KCNN2: variants seen among roughly 807,000 people sequenced by gnomAD.
KCNN2 encodes the protein potassium calcium-activated channel subfamily N member 2, also known as small conductance calcium-activated potassium channel protein 2.
KCNN2 carries 24 observed loss-of-function variants against 55.5 expected under a neutral mutation model. The ratio of observed to expected loss-of-function variants is 0.43; its 90% confidence interval spans 0.31 to 0.61. KCNN2 has a LOEUF of 0.61. KCNN2 is among the 20% of genes least tolerant of loss of function. The pLI is 0.08. For synonymous variants in KCNN2, 431 were observed against 336.1 expected, an observed-to-expected ratio of 1.28 and a Z score of -3.09; for missense variants, 754 against 853.6, an observed-to-expected ratio of 0.88 and a Z score of 1.45.
At chr5:114,479,448 C>CAATATATTG (rs1375185354) in intron 5 of KCNN2, among the ~76,000 whole-genome samples, 3 of 152,158 alleles carry the variant, frequency 2.0e-5, no homozygotes, top group African/African-American at 7.2e-5. Flanking sequence ...CATTGACTTC[C>CAATATATTG]ACACAATAAT....
intron 2 of KCNN2, among the ~76,000 whole-genome samples, chr5:114,310,455 C>G (rs1370686517): frequency 2.6e-5 from 4 of 152,086 alleles, no homozygotes; most frequent in Non-Finnish European, 4.4e-5. Flanking sequence ...ACCAGATAAA[C>G]TAAAAGTATC....
chr5:114,149,759 T>A (rs1011151106), intron 1 of KCNN2, among the ~76,000 whole-genome samples: 2 of 152,068 alleles, frequency 1.3e-5, no homozygotes, highest in Admixed American at 1.3e-4. Flanking sequence ...AAGATATTAA[T>A]CAGTAGTAAT....
At chr5:114,459,182 G>GTCTT (rs1433768731) in intron 3 of KCNN2, among the ~76,000 whole-genome samples, 4 of 152,234 alleles carry the variant, frequency 2.6e-5, no homozygotes, top group Non-Finnish European at 5.9e-5. Flanking sequence ...TGATCTTACA[G>GTCTT]TCTTTGTCTC....
chr5:114,371,784 A>G (rs1757765463), intron 2 of KCNN2, among the ~76,000 whole-genome samples: 1 of 152,144 alleles, frequency 6.6e-6, no homozygotes, highest in Non-Finnish European at 1.5e-5. Flanking sequence ...TTCTGGACTT[A>G]CTCAGTTATG....
chr5:114,370,383 T>G (rs1757725155), intron 2 of KCNN2, among the ~76,000 whole-genome samples: 1 of 152,130 alleles, frequency 6.6e-6, no homozygotes, highest in African/African-American at 2.4e-5. Context: ...CAATGAGGAA[T>G]AAGACAGGAG....
At chr5:114,336,313 G>T (rs62382917) in intron 2 of KCNN2, among the ~76,000 whole-genome samples, 10,402 of 152,282 alleles carry the variant, frequency 0.068, 445 homozygotes, top group Non-Finnish European at 0.094. Flanking sequence ...GATTTGTTCA[G>T]GAAAGCAGAA....
intron 1 of KCNN2, among the ~76,000 whole-genome samples, chr5:114,146,840 G>T (rs1001556112): frequency 1.3e-5 from 2 of 152,166 alleles, no homozygotes; most frequent in Non-Finnish European, 2.9e-5. Context: ...GATTACCACT[G>T]GATAAAGGTC....
At chr5:114,130,213 A>G (rs1026544243) in intron 1 of KCNN2, among the ~76,000 whole-genome samples, 1 of 152,168 alleles carries the variant, frequency 6.6e-6, no homozygotes, top group Non-Finnish European at 1.5e-5. Flanking sequence ...TCTTTTACAG[A>G]GTAGTTCTAT....
At chr5:114,337,111 T>G (rs1400184530) in intron 2 of KCNN2, among the ~76,000 whole-genome samples, 1 of 152,146 alleles carries the variant, frequency 6.6e-6, no homozygotes, top group African/African-American at 2.4e-5. Flanking sequence ...GTTGTTGCAG[T>G]CATCAAAGAA....
chr5:114,176,848 A>C (rs1392246254), intron 1 of KCNN2, among the ~76,000 whole-genome samples: 1 of 152,206 alleles, frequency 6.6e-6, no homozygotes, highest in Non-Finnish European at 1.5e-5. Context: ...CCAAACAAAT[A>C]TTATTTGCAT....
intron 2 of KCNN2, among the ~76,000 whole-genome samples, chr5:114,384,974 T>G (rs577037169): frequency 4.6e-5 from 7 of 152,362 alleles, no homozygotes; most frequent in African/African-American, 1.7e-4. Context: ...AATTATGTTT[T>G]TTTCTACATG....
At chr5:114,233,934 C>T (rs972593962) in intron 2 of KCNN2, among the ~76,000 whole-genome samples, 1 of 151,472 alleles carries the variant, frequency 6.6e-6, no homozygotes, top group African/African-American at 2.4e-5. Flanking sequence ...GACACTTGAG[C>T]TTTTCTTTTA....
intron 3 of KCNN2, chr5:114,433,672 A>T (rs1435888276): frequency 6.6e-6 from 1 of 152,448 alleles, no homozygotes; most frequent in South Asian, 2.1e-4. Flanking sequence ...CAGCGAGCCC[A>T]CGAGCCCACA....
chr5:114,328,346 T>A (rs934456829), intron 2 of KCNN2, among the ~76,000 whole-genome samples: 1 of 152,006 alleles, frequency 6.6e-6, no homozygotes, highest in African/African-American at 2.4e-5. Context: ...AGGAATAGAT[T>A]TAACTGAGGA....
At chr5:114,139,456 A>T (rs1580547334) in intron 1 of KCNN2, among the ~76,000 whole-genome samples, 1 of 104,704 alleles carries the variant, frequency 9.6e-6, no homozygotes, top group Admixed American at 1.0e-4. Flanking sequence ...CACTCACACA[A>T]CCACCCCCCC....
rs894404113 is a variant in KCNN2 at position 114,449,740 on chromosome 5, A to AT, written c.1638-13299dup. On this transcript the variant is annotated intron_variant, in intron 3 of 7. Transcript: ENST00000673685. The stretch of plus-strand genomic sequence containing the variant: ...TGCCTAGTTAAAAATATCCACAGGG[A>AT]TTTTTTTTTTCCTTACAGATTTAAG... Among the ~76,000 whole-genome samples, 134 of 150,262 alleles carry AT rather than the reference A, an allele frequency of 8.9e-4. No homozygotes were observed. In the Middle Eastern group the frequency reaches 0.01, roughly 12 times the overall value.
At chr5:114,474,980 T>C (rs1015765267) in intron 5 of KCNN2, among the ~76,000 whole-genome samples, 4 of 152,176 alleles carry the variant, frequency 2.6e-5, no homozygotes, top group African/African-American at 9.6e-5. Context: ...CAGATTTTAA[T>C]TTCATCTTAA....
At chr5:114,141,345 G>T (rs1752275516) in intron 1 of KCNN2, among the ~76,000 whole-genome samples, 1 of 151,734 alleles carries the variant, frequency 6.6e-6, no homozygotes, top group African/African-American at 2.4e-5. Context: ...TGTTCTCATT[G>T]TTCAATTCCC....
intron 3 of KCNN2, among the ~76,000 whole-genome samples, chr5:114,439,202 C>T (rs1212979713): frequency 6.6e-6 from 1 of 152,158 alleles, no homozygotes; most frequent in East Asian, 1.9e-4. Context: ...TGTATGAAAA[C>T]ATATCAGCAG....
Sources: gnomAD v4.1 joint callset for allele counts (sites outside exome capture counted in the v4.1 genomes callset) on GRCh38, gnomAD v4.1.1 for gene constraint, MANE v1.5 for transcripts, NCBI Gene and HGNC (gene_info 2026-07-23, HGNC 2026-07-21) for gene names.